The following TMCC1 variants were observed in gnomAD, a reference collection of about 807,000 sequenced individuals.
TMCC1 encodes the protein transmembrane and coiled-coil domains protein 1.
Under a neutral mutation model 52.4 loss-of-function variants are expected in TMCC1, and 15 were observed. The ratio of observed to expected loss-of-function variants is 0.29; its 90% CI spans 0.19 to 0.44. TMCC1 has a LOEUF of 0.44. Among genes scored for constraint, TMCC1 ranks in the 20% least tolerant of loss-of-function variants. The probability of loss-of-function intolerance (pLI) is 1.00; values close to 1 mark genes in which losing one functional copy is unlikely to be tolerated. For synonymous variants in TMCC1, 279 were observed against 301.9 expected (o/e 0.92, Z 0.79); for missense variants, 503 against 806.0 (o/e 0.62, Z 4.55).
intron 6 of TMCC1, among the ~76,000 whole-genome samples, chr3:129,652,322 C>T (rs902503990): frequency 6.6e-6 from 1 of 152,052 alleles, no homozygotes. Context: ...AATCCTAAGA[C>T]CCCCAGCCAA....
At chr3:129,878,670 C>A (rs755530757) in intron 2 of TMCC1, among the ~76,000 whole-genome samples, 1 of 152,128 alleles carries the variant, frequency 6.6e-6, no homozygotes, top group East Asian at 1.9e-4. Flanking sequence ...ATCATGTCAC[C>A]CTGCCCAAAC....
intron 1 of TMCC1, among the ~76,000 whole-genome samples, chr3:129,885,828 C>T (rs553457174): frequency 1.0e-4 from 15 of 149,880 alleles, no homozygotes; most frequent in Non-Finnish European, 2.0e-4. Flanking sequence ...CTGCAACCTC[C>T]GCCTCCTGGG....
intron 4 of TMCC1, among the ~76,000 whole-genome samples, chr3:129,810,728 A>T (rs1489386947): frequency 1.8e-4 from 27 of 152,266 alleles, no homozygotes. Flanking sequence ...AGCTTATCAA[A>T]GCAATGTTTC....
chr3:129,676,057 A>AAAAAAAAAAAAAC (rs1467848609), intron 4 of TMCC1, among the ~76,000 whole-genome samples: 1 of 151,054 alleles, frequency 6.6e-6, no homozygotes, highest in African/African-American at 2.4e-5. Flanking sequence ...AAAAAAAAAA[A>AAAAAAAAAAAAAC]AAAATTACAG....
At chr3:129,824,096 G>A (rs1472004353) in intron 4 of TMCC1, among the ~76,000 whole-genome samples, 1 of 152,202 alleles carries the variant, frequency 6.6e-6, no homozygotes, top group Non-Finnish European at 1.5e-5. Context: ...AGCACTTTGA[G>A]AGGCTGAGGC....
intron 5 of TMCC1, among the ~76,000 whole-genome samples, chr3:129,662,396 T>C (rs2087107787): frequency 6.6e-6 from 1 of 152,178 alleles, no homozygotes; most frequent in Admixed American, 6.5e-5. Flanking sequence ...TACAGCAAGT[T>C]ACTGTACCAT....
At chr3:129,691,303 T>G (rs1414522070) in intron 4 of TMCC1, among the ~76,000 whole-genome samples, 1 of 152,174 alleles carries the variant, frequency 6.6e-6, no homozygotes, top group African/African-American at 2.4e-5. Flanking sequence ...ATCCCAGCAC[T>G]TTAGGAAGGC....
intron 2 of TMCC1, chr3:129,848,287 G>C (rs2059759299): frequency 6.6e-6 from 1 of 152,080 alleles, no homozygotes; most frequent in Non-Finnish European, 1.5e-5. Flanking sequence ...AAACTTTCTG[G>C]AGTTGCATGG....
chr3:129,750,544 A>G (rs2107653872), intron 4 of TMCC1, among the ~76,000 whole-genome samples: 2 of 148,652 alleles, frequency 1.3e-5, no homozygotes, highest in South Asian at 4.3e-4. Flanking sequence ...CACTTTTCAG[A>G]GGCTATCCTA....
chr3:129,713,148 G>C (rs1237575660), intron 4 of TMCC1, among the ~76,000 whole-genome samples: 1 of 152,174 alleles, frequency 6.6e-6, no homozygotes, highest in Admixed American at 6.5e-5. Flanking sequence ...TGCAGTCCCA[G>C]CTCCTCAGGA....
chr3:129,751,134 C>G (rs1174244506), intron 4 of TMCC1, among the ~76,000 whole-genome samples: 1 of 151,886 alleles, frequency 6.6e-6, no homozygotes, highest in African/African-American at 2.4e-5. Flanking sequence ...CCAGGAGGTG[C>G]AGGTTGCAGT....
chr3:129,746,651 A>G (rs184243374), intron 4 of TMCC1, among the ~76,000 whole-genome samples: 1 of 152,334 alleles, frequency 6.6e-6, no homozygotes, highest in East Asian at 1.9e-4. Flanking sequence ...GAAATACAAT[A>G]AACATTGCTA....
intron 4 of TMCC1, among the ~76,000 whole-genome samples, chr3:129,683,168 A>T (rs964471932): frequency 6.6e-6 from 1 of 152,210 alleles, no homozygotes; most frequent in African/African-American, 2.4e-5. Context: ...TCTAAGTTCT[A>T]CTGTTTTTGC....
At position 129,799,169 on chromosome 3, in the gene TMCC1, G is replaced by A. The variant is rs140800318; in HGVS notation, c.576+28634C>T. Among the ~76,000 whole-genome samples the A allele has an allele frequency of 1.8e-4, 28 of 152,152 alleles. No homozygotes were observed. In the East Asian group the frequency reaches 4.8e-3, roughly 26 times the overall value. ...AGGGCAGCTGACCTTGCCAAATAAG[G>A]TCTTTATTTGGATGACTTGGACACG... On this transcript the variant is annotated intron_variant, in intron 4 of 6. Transcript: ENST00000393238.
At chr3:129,859,651 TACACACACAC>T (rs59213877) in intron 2 of TMCC1, among the ~76,000 whole-genome samples, 88,878 of 148,608 alleles carry the variant, frequency 0.6, 30,782 homozygotes, top group Non-Finnish European at 0.78. Flanking sequence ...CACACACACA[TACACACACAC>T]ACACACACAC....
chr3:129,765,629 A>G (rs1432284751), intron 4 of TMCC1, among the ~76,000 whole-genome samples: 1 of 152,224 alleles, frequency 6.6e-6, no homozygotes, highest in Non-Finnish European at 1.5e-5. Context: ...CAACACAGAT[A>G]TAAGAGAAGT....
intron 4 of TMCC1, among the ~76,000 whole-genome samples, chr3:129,805,777 C>A (rs1242488263): frequency 1.3e-5 from 2 of 151,536 alleles, no homozygotes; most frequent in African/African-American, 4.8e-5. Context: ...TACAAAAAAA[C>A]AATAAAAATA....
Position 129,654,646 on chromosome 3 carries a change from A to G in TMCC1, c.1647+322T>C, listed in dbSNP as rs2086557869. On this transcript the variant is annotated intron_variant, in intron 6 of 6. Coordinates refer to ENST00000393238, the MANE Select transcript of TMCC1 (RefSeq NM_001017395.5). Reference sequence around the variant, plus strand: ...GCCCCCTTTCCCACAGAAGGAGAAGACAAGGACAAAATGGCCCAAATACTT... The same window carrying G: ...GCCCCCTTTCCCACAGAAGGAGAAGGCAAGGACAAAATGGCCCAAATACTT... Among the ~76,000 whole-genome samples the G allele has an allele frequency of 3.9e-5, 6 of 152,326 alleles. No individual in the cohort carries two copies. In the South Asian group the frequency reaches 1.2e-3, roughly 32 times the overall value.
chr3:129,735,690 T>C (rs553514735), intron 4 of TMCC1, among the ~76,000 whole-genome samples: 1 of 147,968 alleles, frequency 6.8e-6, no homozygotes, highest in East Asian at 2.0e-4. Context: ...ATTATGAAGA[T>C]TTAATACGTT....
Sources: gnomAD v4.1 joint callset for allele counts (sites outside exome capture counted in the v4.1 genomes callset) on GRCh38, gnomAD v4.1.1 for gene constraint, MANE v1.5 for transcripts, NCBI Gene and HGNC (gene_info 2026-07-23, HGNC 2026-07-21) for gene names.